The following LTBP1 variants were observed in gnomAD, a reference collection of about 807,000 sequenced individuals.
The protein encoded by LTBP1 is latent transforming growth factor beta binding protein 1, also known as latent-transforming growth factor beta-binding protein 1.
Under a neutral mutation model 207.6 loss-of-function variants are expected in LTBP1, and 129 were observed. The observed-to-expected ratio is 0.62, with a 90% CI of 0.54 to 0.72. The LOEUF (loss-of-function observed/expected upper bound fraction) is 0.72. Ranked by LOEUF, LTBP1 falls within the 30% of genes least tolerant of loss-of-function variation. The pLI, the probability that LTBP1 is intolerant of heterozygous loss-of-function variation, is 0.00. For missense variants in LTBP1, 2,281 were observed against 2,217.2 expected (o/e 1.03, Z -0.58); for synonymous variants, 963 against 833.7 (o/e 1.16, Z -2.67).
chr2:33,067,602 T>C (rs1406019454), intron 3 of LTBP1, among the ~76,000 whole-genome samples: 1 of 152,236 alleles, frequency 6.6e-6, no homozygotes, highest in Non-Finnish European at 1.5e-5. Context: ...TTTTTGATCA[T>C]TATTCTCTAA....
intron 9 of LTBP1, among the ~76,000 whole-genome samples, chr2:33,240,541 T>A (rs1384887170): frequency 6.6e-6 from 1 of 152,198 alleles, no homozygotes; most frequent in Non-Finnish European, 1.5e-5. Flanking sequence ...TAGAAATGTC[T>A]TATTAATTTA....
In LTBP1 at chr2:33,079,683, G is replaced by A. The variant is rs571644919; in HGVS notation, c.864-30899G>A. On this transcript the variant is annotated intron_variant, in intron 3 of 33. Transcript: ENST00000404816. ...TCTGTGGCACTGCAGACTTCTCCCAGTTCTGGTCCTGCACCCTCTAAAGGT... is the reference window on the plus strand; with the variant it reads ...TCTGTGGCACTGCAGACTTCTCCCAATTCTGGTCCTGCACCCTCTAAAGGT... Among the ~76,000 whole-genome samples the A allele has an allele frequency of 3.3e-3, 507 of 152,162 alleles. 5 individuals carry two copies. The highest frequency in any genetic ancestry group is 5.3e-3 in the Non-Finnish European group (358 of 67,998).
chr2:33,388,484 G>A (rs1359527700), intron 31 of LTBP1, among the ~76,000 whole-genome samples: 1 of 152,196 alleles, frequency 6.6e-6, no homozygotes, highest in Non-Finnish European at 1.5e-5. Flanking sequence ...CTGGTAAAAT[G>A]GAGATGGTAG....
intron 2 of LTBP1, among the ~76,000 whole-genome samples, chr2:32,971,383 A>ATG (rs1399383115): frequency 6.6e-6 from 1 of 152,102 alleles, no homozygotes. Context: ...TCTCAAGGGT[A>ATG]TGCTTCCAGC....
rs10649487 is a variant in LTBP1, at chr2:32,959,549, ATGTG to A, written c.565+10624_565+10627del. On this transcript the variant is annotated intron_variant, in intron 2 of 33. Transcript: ENST00000404816. ...TTCATTTTATTATTGCTGTATATAT[ATGTG>A]TGTGTGTGTGTGTGTGTGTATGTAT... Among the ~76,000 whole-genome samples, 310 of 125,348 alleles carry A rather than the reference ATGTG, an allele frequency of 2.5e-3. 2 individuals carry two copies. Among genetic ancestry groups the A allele is most frequent in the African/African-American group, 8.4e-3 (277 of 33,140 alleles). The allele number at this position is 125,348 out of a possible 152,430, so 82.2% of individuals were successfully genotyped here. A position where few individuals can be genotyped will look rare whatever the true frequency, so the allele number is the denominator to read the frequency against.
intron 7 of LTBP1, among the ~76,000 whole-genome samples, chr2:33,213,247 T>C (rs2090444539): frequency 6.6e-6 from 1 of 152,186 alleles, no homozygotes; most frequent in Admixed American, 6.5e-5. Flanking sequence ...TTGATTTAGC[T>C]AAATATTGGG....
chr2:33,330,536 C>G (rs547172117), intron 24 of LTBP1, among the ~76,000 whole-genome samples: 1 of 150,666 alleles, frequency 6.6e-6, no homozygotes, highest in Non-Finnish European at 1.5e-5. Context: ...CCTTATATAT[C>G]TAGTTTGCTA....
chr2:33,227,515 T>C (rs559438896), intron 9 of LTBP1, among the ~76,000 whole-genome samples: 1 of 152,280 alleles, frequency 6.6e-6, no homozygotes, highest in East Asian at 1.9e-4. Flanking sequence ...CTCCTCTTTT[T>C]GGCCTGAAAA....
intron 26 of LTBP1, among the ~76,000 whole-genome samples, chr2:33,357,656 G>A (rs1037136607): frequency 3.3e-5 from 5 of 151,996 alleles, no homozygotes; most frequent in Non-Finnish European, 5.9e-5. Context: ...TGTTGTTACC[G>A]GCCACACCTC....
chr2:33,266,194 T>G (rs1381144334), intron 15 of LTBP1, among the ~76,000 whole-genome samples: 3 of 152,204 alleles, frequency 2.0e-5, no homozygotes, highest in Non-Finnish European at 4.4e-5. Context: ...CAAGTGCTAT[T>G]GCAACCCAGC....
At chr2:33,328,153 A>ATAAG in intron 24 of LTBP1, among the ~76,000 whole-genome samples, 10 of 146,916 alleles carry the variant, frequency 6.8e-5, no homozygotes, top group African/African-American at 2.7e-4. Flanking sequence ...AAATAAATAA[A>ATAAG]TAAATAAATA....
intron 2 of LTBP1, among the ~76,000 whole-genome samples, chr2:32,999,634 G>C (rs1685797690): frequency 7.5e-6 from 1 of 134,034 alleles, no homozygotes; most frequent in South Asian, 2.6e-4. Flanking sequence ...GCTCACGCCT[G>C]TAATCCCAGC....
intron 4 of LTBP1, among the ~76,000 whole-genome samples, chr2:33,122,912 GT>G (rs1204260476): frequency 6.6e-6 from 1 of 152,142 alleles, no homozygotes; most frequent in African/African-American, 2.4e-5. Flanking sequence ...GCACCCCCTT[GT>G]TTTGTAGGCA....
intron 23 of LTBP1, among the ~76,000 whole-genome samples, chr2:33,312,255 A>G (rs1423798287): frequency 1.3e-5 from 2 of 152,212 alleles, no homozygotes; most frequent in African/African-American, 2.4e-5. Flanking sequence ...AACCATGGAC[A>G]TGTTTGAATA....
intron 4 of LTBP1, among the ~76,000 whole-genome samples, chr2:33,121,862 C>T (rs541998824): frequency 1.3e-5 from 2 of 151,968 alleles, no homozygotes; most frequent in African/African-American, 4.8e-5. Flanking sequence ...AAAGCACTTT[C>T]GTTAGTCTTT....
intron 19 of LTBP1, among the ~76,000 whole-genome samples, chr2:33,282,499 A>C (rs989730213): frequency 6.6e-6 from 1 of 152,222 alleles, no homozygotes; most frequent in Non-Finnish European, 1.5e-5. Context: ...TGACTGTGAC[A>C]AAAAGCAGAT....
Position 33,188,702 on chromosome 2 carries a change from C to G in LTBP1, c.1552C>G (p.Gln518Glu). Residue 518 changes from glutamine to glutamate, a missense_variant, in exon 7 of 34, where the codon CAA (glutamine) becomes GAA (glutamate). Physicochemically the swap from Gln to Glu is conservative, Grantham distance 29 (BLOSUM62 2). Transcript: ENST00000404816. ...GAAGACAAAAGAAGCTCAACCAGGC[C>G]AATCCCAAGTCTCGTACCAAGGGCT... ...GQKTKEAQPG[Q>E]SQVSYQGLPV... 1 of 1,614,146 alleles carries G rather than the reference C, an allele frequency of 6.2e-7. No individual in the cohort carries two copies. Among genetic ancestry groups the G allele is most frequent in the South Asian group, 1.1e-5 (1 of 91,080 alleles).
chr2:33,193,423 T>G (rs1163499726), intron 7 of LTBP1, among the ~76,000 whole-genome samples: 1 of 152,214 alleles, frequency 6.6e-6, no homozygotes, highest in Non-Finnish European at 1.5e-5. Context: ...ATTACAGGCA[T>G]GAGCCACCGC....
intron 3 of LTBP1, among the ~76,000 whole-genome samples, chr2:33,104,887 A>T (rs11124304): frequency 0.22 from 32,958 of 151,758 alleles, 3,809 homozygotes; most frequent in African/African-American, 0.29. Flanking sequence ...AGCACGCCTC[A>T]TTGCACTTAC....
Sources: allele counts gnomAD v4.1 joint callset (sites outside exome capture counted in the v4.1 genomes callset), GRCh38; gene constraint gnomAD v4.1.1; transcripts MANE v1.5; gene names NCBI Gene and HGNC (gene_info 2026-07-23, HGNC 2026-07-21).